CTNNA3: variants seen among roughly 807,000 people sequenced by gnomAD.
CTNNA3 encodes the protein catenin alpha-3.
CTNNA3 carries 76 observed loss-of-function variants against 95.7 expected under a neutral mutation model. That is an observed-to-expected ratio of 0.79 (90% CI 0.66 to 0.96). The LOEUF is 0.96. Among genes scored for constraint, CTNNA3 ranks in the 40% least tolerant of loss-of-function variants. CTNNA3 has a pLI of 0.00. For synonymous variants in CTNNA3, 431 were observed against 374.4 expected, an observed-to-expected ratio of 1.15 and a Z score of -1.74; for missense variants, 1,191 against 1,089.8, an observed-to-expected ratio of 1.09 and a Z score of -1.31.
intron 15 of CTNNA3, among the ~76,000 whole-genome samples, chr10:66,059,227 C>A (rs1170646696): frequency 2.0e-5 from 3 of 152,020 alleles, no homozygotes; most frequent in South Asian, 4.1e-4. Context: ...TGACAAATAA[C>A]CCGTTTTCTG....
At chr10:67,597,818 T>C (rs575010519) in intron 3 of CTNNA3, among the ~76,000 whole-genome samples, 1 of 152,088 alleles carries the variant, frequency 6.6e-6, no homozygotes, top group Non-Finnish European at 1.5e-5. Flanking sequence ...GCAAGGTTTA[T>C]AGGAAGAGGC....
intron 12 of CTNNA3, among the ~76,000 whole-genome samples, chr10:66,288,777 C>A (rs1488808572): frequency 6.6e-6 from 1 of 152,114 alleles, no homozygotes; most frequent in Non-Finnish European, 1.5e-5. Context: ...TGAGTGATAT[C>A]GGTATCATCT....
chr10:66,952,911 T>C (rs1848608352), intron 7 of CTNNA3, among the ~76,000 whole-genome samples: 1 of 151,978 alleles, frequency 6.6e-6, no homozygotes, highest in South Asian at 2.1e-4. Flanking sequence ...GCCAGCACAG[T>C]AGTGTTACAG....
chr10:66,038,597 C>T (rs2079616394), intron 15 of CTNNA3, among the ~76,000 whole-genome samples: 1 of 152,166 alleles, frequency 6.6e-6, no homozygotes, highest in Non-Finnish European at 1.5e-5. Context: ...GAGTCAATTT[C>T]AGAGGATTTT....
chr10:67,082,912 C>T (rs535839915), intron 7 of CTNNA3, among the ~76,000 whole-genome samples: 1 of 152,202 alleles, frequency 6.6e-6, no homozygotes, highest in South Asian at 2.1e-4. Flanking sequence ...CACCCACCTC[C>T]TATATTAACT....
intron 5 of CTNNA3, among the ~76,000 whole-genome samples, chr10:67,240,438 G>C (rs932107280): frequency 6.6e-6 from 1 of 152,142 alleles, no homozygotes; most frequent in Non-Finnish European, 1.5e-5. Context: ...AAGGATATAA[G>C]ATGGTGAAAC....
chr10:66,657,297 C>T (rs556589328), intron 9 of CTNNA3, among the ~76,000 whole-genome samples: 1 of 152,082 alleles, frequency 6.6e-6, no homozygotes, highest in Admixed American at 6.5e-5. Context: ...CCTTAGAGAG[C>T]CTTTCTTTAT....
intron 9 of CTNNA3, among the ~76,000 whole-genome samples, chr10:66,726,764 G>A (rs748536164): frequency 2.0e-5 from 3 of 151,682 alleles, no homozygotes; most frequent in Non-Finnish European, 4.4e-5. Context: ...TCCACTGTAT[G>A]TTTGAAAACC....
At chr10:66,183,990 T>C (rs2086187828) in intron 13 of CTNNA3, among the ~76,000 whole-genome samples, 1 of 152,296 alleles carries the variant, frequency 6.6e-6, no homozygotes, top group South Asian at 2.1e-4. Context: ...CTTCTCACTT[T>C]ATAACTTGTA....
rs1328744187 is a variant in CTNNA3 at position 66,525,057 on chromosome 10, A to AAAAAG, written c.1375-4289_1375-4285dup. Among the ~76,000 whole-genome samples, 107 of 152,208 alleles carry AAAAAG rather than the reference A, an allele frequency of 7.0e-4. 1 individual carries two copies. The highest frequency in any genetic ancestry group is 2.6e-3 in the African/African-American group (106 of 41,542). On this transcript the variant is annotated intron_variant, in intron 10 of 17. Coordinates refer to ENST00000433211, the MANE Select transcript of CTNNA3 (RefSeq NM_013266.4). ...AGAGCAAAACTCCATTTCAAATAAA[A>AAAAAG]AAAAGAAAAGAAAAGAAAGAAAGAA...
intron 7 of CTNNA3, among the ~76,000 whole-genome samples, chr10:67,025,612 G>A (rs1383482072): frequency 1.3e-5 from 2 of 152,050 alleles, no homozygotes; most frequent in African/African-American, 4.8e-5. Context: ...AACCCCTGGA[G>A]GAAGAATATT....
At chr10:66,979,790 C>T (rs994541175) in intron 7 of CTNNA3, among the ~76,000 whole-genome samples, 5 of 152,028 alleles carry the variant, frequency 3.3e-5, no homozygotes, top group South Asian at 2.1e-4. Context: ...CAAAATTTCC[C>T]AAAATTTTAT....
At position 67,219,845 on chromosome 10, in the gene CTNNA3, T is replaced by C. The variant is rs138821753; in HGVS notation, c.605A>G (p.Asp202Gly). 4.3e-6 allele frequency: 7 copies of C among 1,612,402 alleles called. No homozygotes were observed. The highest frequency in any genetic ancestry group is 1.7e-4 in the Middle Eastern group (1 of 6,030). ...TGAAGCTCGGGCTCCTGCAATTTCATCTCTCTGATTTGGAGATTTTAAGTC... is the reference window on the plus strand; with the variant it reads ...TGAAGCTCGGGCTCCTGCAATTTCACCTCTCTGATTTGGAGATTTTAAGTC... ...QQDLKSPNQRDEIAGARASLK... is the reference protein window; with the variant it reads ...QQDLKSPNQRGEIAGARASLK... Residue 202 changes from aspartate (D) to glycine (G), a missense_variant, in exon 6 of 18, where the codon GAT (aspartate) becomes GGT (glycine). By Grantham distance (94) the Asp-to-Gly change is moderately conservative (BLOSUM62 -1). Coordinates refer to ENST00000433211, the MANE Select transcript of CTNNA3 (RefSeq NM_013266.4).
intron 9 of CTNNA3, among the ~76,000 whole-genome samples, chr10:66,697,177 T>C (rs10997314): frequency 0.023 from 3,492 of 151,094 alleles, 181 homozygotes; most frequent in East Asian, 0.22. Context: ...CTTTTACCAC[T>C]TTTATTACTT....
At chr10:66,083,203 T>C (rs1211533457) in intron 14 of CTNNA3, among the ~76,000 whole-genome samples, 2 of 152,176 alleles carry the variant, frequency 1.3e-5, no homozygotes, top group Non-Finnish European at 2.9e-5. Flanking sequence ...TAATTTTGGA[T>C]AACCACATAG....
At chr10:66,280,736 T>A in intron 12 of CTNNA3, 115 bp from the exon 13 acceptor site, 1 of 670,566 alleles carries the variant, frequency 1.5e-6, no homozygotes, top group Non-Finnish European at 2.3e-6. Context: ...AATAGATCTT[T>A]AATTGTATTT....
chr10:66,985,177 T>C (rs1380225611), intron 7 of CTNNA3, among the ~76,000 whole-genome samples: 1 of 152,128 alleles, frequency 6.6e-6, no homozygotes, highest in Non-Finnish European at 1.5e-5. Context: ...CCTTTATCAG[T>C]CATGGGTGAG....
chr10:67,511,666 T>C (rs1048285967), intron 5 of CTNNA3, among the ~76,000 whole-genome samples: 3 of 152,208 alleles, frequency 2.0e-5, no homozygotes, highest in Non-Finnish European at 4.4e-5. Flanking sequence ...CTTTTTTTGT[T>C]GTGTCTCTGC....
intron 11 of CTNNA3, among the ~76,000 whole-genome samples, chr10:66,409,831 C>T (rs1000706516): frequency 2.0e-5 from 3 of 152,140 alleles, no homozygotes; most frequent in Non-Finnish European, 2.9e-5. Context: ...TAGAAAGGTA[C>T]AATCAGGGAC....
Sources: allele counts gnomAD v4.1 joint callset (sites outside exome capture counted in the v4.1 genomes callset), GRCh38; gene constraint gnomAD v4.1.1; transcripts MANE v1.5; gene names NCBI Gene and HGNC (gene_info 2026-07-23, HGNC 2026-07-21).